RPS6KC1: variants seen among roughly 807,000 people sequenced by gnomAD.
RPS6KC1 encodes the protein ribosomal protein S6 kinase C1.
RPS6KC1 carries 54 observed loss-of-function variants against 103.8 expected under a neutral mutation model. The observed-to-expected ratio is 0.52, with a 90% confidence interval of 0.42 to 0.65. The LOEUF is 0.65. Ranked by LOEUF, RPS6KC1 falls within the 30% of genes least tolerant of loss-of-function variation. RPS6KC1 has a pLI of 0.00. For missense variants in RPS6KC1, 1,151 were observed against 1,253.8 expected, an observed-to-expected ratio of 0.92 and a Z score of 1.24; for synonymous variants, 439 against 438.7, an observed-to-expected ratio of 1.00 and a Z score of -0.01.
the RPS6KC1 span, among the ~76,000 whole-genome samples, chr1:213,596,201 G>A: frequency 6.6e-6 from 1 of 152,204 alleles, no homozygotes; most frequent in Admixed American, 6.5e-5. Flanking sequence ...ATGAAGATGG[G>A]ATGAAGGGCT....
At chr1:213,453,839 C>G in the RPS6KC1 span, among the ~76,000 whole-genome samples, 7 of 152,188 alleles carry the variant, frequency 4.6e-5, no homozygotes, top group African/African-American at 1.7e-4. Flanking sequence ...TTGAACAACA[C>G]AGGTCCAGGT....
the RPS6KC1 span, among the ~76,000 whole-genome samples, chr1:213,361,139 A>G: frequency 6.6e-6 from 1 of 152,222 alleles, no homozygotes; most frequent in Non-Finnish European, 1.5e-5. Flanking sequence ...TTGTTCAGCT[A>G]TGCCCTGCCC....
At chr1:213,408,488 G>A in the RPS6KC1 span, among the ~76,000 whole-genome samples, 1 of 152,160 alleles carries the variant, frequency 6.6e-6, no homozygotes, top group Non-Finnish European at 1.5e-5. Flanking sequence ...TAAAGTAAAG[G>A]GGGTTACTCT....
chr1:213,448,053 T>C, the RPS6KC1 span, among the ~76,000 whole-genome samples: 1 of 151,578 alleles, frequency 6.6e-6, no homozygotes, highest in Non-Finnish European at 1.5e-5. Context: ...GGGAATATAG[T>C]GAGACTCCCA....
At chr1:213,297,787 A>G in the RPS6KC1 span, among the ~76,000 whole-genome samples, 1 of 152,252 alleles carries the variant, frequency 6.6e-6, no homozygotes, top group South Asian at 2.1e-4. Flanking sequence ...ATTTACAAAA[A>G]ATAAAATATT....
chr1:213,468,562 C>T, the RPS6KC1 span, among the ~76,000 whole-genome samples: 3 of 152,118 alleles, frequency 2.0e-5, no homozygotes, highest in Non-Finnish European at 4.4e-5. Context: ...GAGAGAGAGA[C>T]TTGAGAAATC....
the RPS6KC1 span, among the ~76,000 whole-genome samples, chr1:213,550,468 TC>T: frequency 2.6e-5 from 4 of 152,022 alleles, no homozygotes; most frequent in African/African-American, 9.7e-5. Flanking sequence ...TCGATTCGCT[TC>T]CCCAGTGCAT....
At chr1:213,759,504 A>G in the RPS6KC1 span, among the ~76,000 whole-genome samples, 3 of 152,206 alleles carry the variant, frequency 2.0e-5, no homozygotes, top group Admixed American at 6.5e-5. Context: ...CTAACCATGC[A>G]TGGCCACGTG....
intron 14 of RPS6KC1, among the ~76,000 whole-genome samples, chr1:213,263,560 T>A (rs2094846422): frequency 6.6e-6 from 1 of 152,078 alleles, no homozygotes; most frequent in South Asian, 2.1e-4. Context: ...ATGGAAAAAG[T>A]TCCTTGAAAA....
chr1:213,792,672 A>G, the RPS6KC1 span, among the ~76,000 whole-genome samples: 1 of 152,316 alleles, frequency 6.6e-6, no homozygotes, highest in South Asian at 2.1e-4. Context: ...AAAAATGCAT[A>G]TGAATGGTAT....
the RPS6KC1 span, among the ~76,000 whole-genome samples, chr1:213,714,011 G>T: frequency 6.6e-6 from 1 of 152,188 alleles, no homozygotes; most frequent in African/African-American, 2.4e-5. Flanking sequence ...TTTAGAATAT[G>T]CATACTCTGT....
chr1:213,158,089 TC>T (rs2090099828), intron 6 of RPS6KC1, among the ~76,000 whole-genome samples: 1 of 152,188 alleles, frequency 6.6e-6, no homozygotes, highest in Admixed American at 6.5e-5. Flanking sequence ...TATAGTTAGA[TC>T]CTGTATAGTT....
the RPS6KC1 span, among the ~76,000 whole-genome samples, chr1:213,673,655 C>T: frequency 7.6e-6 from 1 of 132,294 alleles, no homozygotes; most frequent in African/African-American, 4.1e-5. Flanking sequence ...CTTTTTAGTA[C>T]TAAGGGAAAT....
At chr1:213,143,670 G>A (rs56153721) in intron 6 of RPS6KC1, among the ~76,000 whole-genome samples, 30 of 151,562 alleles carry the variant, frequency 2.0e-4, no homozygotes, top group Admixed American at 2.6e-4. Context: ...TTTTGTTTTC[G>A]TTTTTAAATC....
the RPS6KC1 span, among the ~76,000 whole-genome samples, chr1:213,297,195 C>G: frequency 6.6e-6 from 1 of 152,180 alleles, no homozygotes; most frequent in African/African-American, 2.4e-5. Context: ...CCAGAAGTGC[C>G]CACGCCCTTG....
chr1:213,237,699 C>CT (rs1252385908), intron 10 of RPS6KC1, among the ~76,000 whole-genome samples: 2 of 151,862 alleles, frequency 1.3e-5, no homozygotes, highest in Non-Finnish European at 2.9e-5. Flanking sequence ...TATAGAAAAA[C>CT]AATAGACTTA....
At chr1:213,850,778 A>G in the RPS6KC1 span, among the ~76,000 whole-genome samples, 28 of 144,598 alleles carry the variant, frequency 1.9e-4, no homozygotes, top group Non-Finnish European at 3.4e-4. Flanking sequence ...AACATCTCCC[A>G]ATGCTTAGCT....
chr1:213,198,340 T>C (rs989005723), intron 8 of RPS6KC1, among the ~76,000 whole-genome samples: 2 of 152,212 alleles, frequency 1.3e-5, no homozygotes, highest in East Asian at 3.8e-4. Context: ...AAATAGGTTT[T>C]CTTTTATAGG....
the RPS6KC1 span, among the ~76,000 whole-genome samples, chr1:213,731,027 G>T: frequency 6.6e-6 from 1 of 152,138 alleles, no homozygotes; most frequent in Non-Finnish European, 1.5e-5. Flanking sequence ...ATTGAATCAG[G>T]AATCCTTTCC....
Sources: gnomAD v4.1 joint callset for allele counts (sites outside exome capture counted in the v4.1 genomes callset) on GRCh38, gnomAD v4.1.1 for gene constraint, MANE v1.5 for transcripts, NCBI Gene and HGNC (gene_info 2026-07-23, HGNC 2026-07-21) for gene names.